Variants in LAMA2 observed in about 807,000 individuals in gnomAD.
LAMA2 encodes laminin subunit alpha-2.
In LAMA2, 269 loss-of-function variants were observed where a neutral mutation model predicts 364.8. The ratio of observed to expected loss-of-function variants is 0.74; its 90% CI spans 0.67 to 0.82. The LOEUF is 0.82. LAMA2 is among the 40% of genes least tolerant of loss of function. The probability of loss-of-function intolerance (pLI) is 0.00; values close to 1 mark genes in which losing one functional copy is unlikely to be tolerated. For missense variants in LAMA2, 3,807 were observed against 3,873.2 expected (o/e 0.98, Z 0.45); for synonymous variants, 1,379 against 1,370.6 (o/e 1.01, Z -0.14).
intron 9 of LAMA2, among the ~76,000 whole-genome samples, chr6:129,170,292 G>A (rs1469164959): frequency 1.4e-5 from 2 of 146,684 alleles, no homozygotes; most frequent in East Asian, 4.0e-4. Flanking sequence ...TTTCTCTTGT[G>A]GGCATTTAGT....
At chr6:128,901,456 A>G (rs889901192) in intron 1 of LAMA2, among the ~76,000 whole-genome samples, 4 of 152,138 alleles carry the variant, frequency 2.6e-5, no homozygotes, top group Non-Finnish European at 5.9e-5. Flanking sequence ...CTTTACCCCA[A>G]CTATAGAGGT....
chr6:129,438,978 C>T (rs1583751230), intron 42 of LAMA2, among the ~76,000 whole-genome samples: 1 of 151,750 alleles, frequency 6.6e-6, no homozygotes, highest in Non-Finnish European at 1.5e-5. Flanking sequence ...TAGCCAGTAT[C>T]CTTAGGAATG....
At chr6:129,188,847 C>T (rs1004361917) in intron 10 of LAMA2, among the ~76,000 whole-genome samples, 1 of 151,914 alleles carries the variant, frequency 6.6e-6, no homozygotes, top group Admixed American at 6.6e-5. Flanking sequence ...CTCCTTACTT[C>T]TTCATGCTAT....
At chr6:129,427,040 A>G (rs754737857) in intron 40 of LAMA2, among the ~76,000 whole-genome samples, 4 of 152,252 alleles carry the variant, frequency 2.6e-5, no homozygotes, top group Non-Finnish European at 5.9e-5. Context: ...AGCAAACACT[A>G]TTAAAATGGG....
intron 10 of LAMA2, among the ~76,000 whole-genome samples, chr6:129,181,242 C>T (rs370980876): frequency 2.0e-5 from 3 of 151,850 alleles, no homozygotes; most frequent in Admixed American, 6.6e-5. Flanking sequence ...CATCACAAAG[C>T]AAGTAAAGTA....
intron 3 of LAMA2, among the ~76,000 whole-genome samples, chr6:129,064,662 T>G (rs1002195307): frequency 2.6e-5 from 4 of 152,000 alleles, no homozygotes; most frequent in African/African-American, 9.7e-5. Flanking sequence ...GCCAACAAAC[T>G]GGATAACCTA....
chr6:129,188,207 A>G (rs990104224), intron 10 of LAMA2, among the ~76,000 whole-genome samples: 2 of 151,918 alleles, frequency 1.3e-5, no homozygotes, highest in African/African-American at 2.4e-5. Flanking sequence ...TTAAAGACAG[A>G]CCTTGACTTA....
intron 23 of LAMA2, among the ~76,000 whole-genome samples, chr6:129,313,305 C>A (rs1774349480): frequency 6.6e-6 from 1 of 152,116 alleles, no homozygotes; most frequent in Non-Finnish European, 1.5e-5. Context: ...TATTTTCAAC[C>A]CAAACCCACC....
At chr6:128,990,471 G>C (rs1032785607) in intron 1 of LAMA2, among the ~76,000 whole-genome samples, 3 of 152,244 alleles carry the variant, frequency 2.0e-5, no homozygotes, top group South Asian at 4.1e-4. Flanking sequence ...GTCTTAACTT[G>C]TTCTGTGCTT....
chr6:128,941,558 C>T (rs912431253), intron 1 of LAMA2, among the ~76,000 whole-genome samples: 1 of 152,096 alleles, frequency 6.6e-6, no homozygotes, highest in African/African-American at 2.4e-5. Context: ...TTGTATTTCA[C>T]TACTTCTTTG....
At chr6:129,342,524 A>G in intron 30 of LAMA2, 57 bp downstream of exon 30, 1 of 1,562,752 alleles carries the variant, frequency 6.4e-7, no homozygotes, top group Non-Finnish European at 8.7e-7. Flanking sequence ...TGTCTAGCAC[A>G]TGGGCTGTCT....
At chr6:129,014,211 T>G (rs1219842593) in intron 1 of LAMA2, among the ~76,000 whole-genome samples, 1 of 152,182 alleles carries the variant, frequency 6.6e-6, no homozygotes, top group Non-Finnish European at 1.5e-5. Context: ...TAAATAGAAC[T>G]ATTGATTTAA....
At chr6:129,208,185 G>A (rs1782809132) in intron 12 of LAMA2, among the ~76,000 whole-genome samples, 1 of 152,168 alleles carries the variant, frequency 6.6e-6, no homozygotes, top group Non-Finnish European at 1.5e-5. Context: ...GTTAGCGTTA[G>A]AAGAAATTGT....
At chr6:128,915,046 G>T (rs1582666482) in intron 1 of LAMA2, among the ~76,000 whole-genome samples, 1 of 152,144 alleles carries the variant, frequency 6.6e-6, no homozygotes, top group African/African-American at 2.4e-5. Flanking sequence ...TCTAATTGGA[G>T]CAGCTTGTTG....
intron 51 of LAMA2, among the ~76,000 whole-genome samples, chr6:129,466,127 T>C (rs1436694465): frequency 1.3e-5 from 2 of 151,952 alleles, no homozygotes; most frequent in African/African-American, 4.8e-5. Context: ...ATTTAATACA[T>C]ATCTGCCAGG....
intron 1 of LAMA2, among the ~76,000 whole-genome samples, chr6:128,943,269 C>CACACAGAGAGAG (rs1365657711): frequency 7.0e-5 from 10 of 143,192 alleles, no homozygotes; most frequent in African/African-American, 2.6e-4. Flanking sequence ...TATATATACA[C>CACACAGAGAGAG]AGAGAGAGAG....
chr6:129,393,266 G>C lies in LAMA2; in HGVS notation c.5445+11G>C. 6.2e-7 allele frequency: 1 copy of C among 1,600,692 alleles called. No individual in the cohort carries two copies. The highest frequency in any genetic ancestry group is 8.6e-7 in the Non-Finnish European group (1 of 1,167,994). On this transcript the variant is annotated intron_variant, in intron 37 of 64. Coordinates refer to ENST00000421865, the MANE Select transcript of LAMA2 (RefSeq NM_000426.4). ...ATGACTGCATTGGAGGTGAGTCTTA[G>C]GGGCACTTTTATCTTAATCTCAGAA... is the stretch of plus-strand genomic sequence containing the variant.
chr6:129,244,417 T>G (rs1785605411), intron 12 of LAMA2, among the ~76,000 whole-genome samples: 1 of 152,128 alleles, frequency 6.6e-6, no homozygotes. Context: ...TCTAAGAAGA[T>G]GAATCGCTTG....
At chr6:129,482,802 T>C (rs1172900285) in intron 55 of LAMA2, among the ~76,000 whole-genome samples, 2 of 152,186 alleles carry the variant, frequency 1.3e-5, no homozygotes, top group Non-Finnish European at 2.9e-5. Context: ...GGCTCACGCC[T>C]GTAATCCCAG....
Sources: gnomAD v4.1 joint callset for allele counts (sites outside exome capture counted in the v4.1 genomes callset) on GRCh38, gnomAD v4.1.1 for gene constraint, MANE v1.5 for transcripts, NCBI Gene and HGNC (gene_info 2026-07-23, HGNC 2026-07-21) for gene names.